The following LBH variants were observed in gnomAD, a reference collection of about 807,000 sequenced individuals.
The protein encoded by LBH is LBH regulator of Wnt signaling pathway.
In LBH, 7 loss-of-function variants were observed where a neutral mutation model predicts 12.5. That is an observed-to-expected ratio of 0.56 (90% CI 0.32 to 1.05). The LOEUF (loss-of-function observed/expected upper bound fraction) is 1.05. Ranked by LOEUF, LBH falls within the 50% of genes least tolerant of loss-of-function variation. The pLI, the probability that LBH is intolerant of heterozygous loss-of-function variation, is 0.04. For missense variants in LBH, 119 were observed against 138.9 expected, an observed-to-expected ratio of 0.86 and a Z score of 0.72; for synonymous variants, 51 against 50.1, an observed-to-expected ratio of 1.02 and a Z score of -0.08.
intron 2 of LBH, among the ~76,000 whole-genome samples, chr2:30,243,623 C>G (rs889395075): frequency 6.6e-6 from 1 of 151,410 alleles, no homozygotes; most frequent in Non-Finnish European, 1.5e-5. Context: ...CTCCGCCTCC[C>G]TGGTTCAAGT....
chr2:30,250,267 C>A (rs749847461), intron 2 of LBH, among the ~76,000 whole-genome samples: 2 of 151,992 alleles, frequency 1.3e-5, no homozygotes, highest in Non-Finnish European at 2.9e-5. Flanking sequence ...CAGGCTCGCT[C>A]CCCTCCCTCT....
intron 2 of LBH, among the ~76,000 whole-genome samples, chr2:30,253,956 A>T (rs1343068047): frequency 6.6e-6 from 1 of 152,224 alleles, no homozygotes; most frequent in Non-Finnish European, 1.5e-5. Flanking sequence ...CATGCTATCA[A>T]GTGAACGCTT....
At chr2:30,250,814 C>T (rs1436465507) in intron 2 of LBH, among the ~76,000 whole-genome samples, 1 of 151,088 alleles carries the variant, frequency 6.6e-6, no homozygotes, top group Non-Finnish European at 1.5e-5. Flanking sequence ...TTCTCTGGTC[C>T]AACAGCCTCC....
At chr2:30,252,594 G>A (rs1370640605) in intron 2 of LBH, among the ~76,000 whole-genome samples, 2 of 152,104 alleles carry the variant, frequency 1.3e-5, no homozygotes, top group East Asian at 1.9e-4. Context: ...CCCAGGAGGC[G>A]GAGCTTGCAG....
intron 2 of LBH, among the ~76,000 whole-genome samples, chr2:30,239,191 CCTTCT>C (rs1383791080): frequency 2.0e-5 from 3 of 152,168 alleles, no homozygotes; most frequent in Non-Finnish European, 4.4e-5. Context: ...CTCGGAAACC[CCTTCT>C]CTTTGCTCAC....
rs148824901 is a variant in LBH, at chr2:30,237,053, T to C, written c.129+2546T>C. ...CACATTCCCACCAGAGCTCTGGGGATTGGCTGGGACTGGCACTTGGCTGGA... is the reference window on the plus strand; with the variant it reads ...CACATTCCCACCAGAGCTCTGGGGACTGGCTGGGACTGGCACTTGGCTGGA... On this transcript the variant is annotated intron_variant, in intron 2 of 2. Transcript: ENST00000395323. Among the ~76,000 whole-genome samples the C allele has an allele frequency of 3.9e-3, 592 of 152,268 alleles. 9 individuals carry two copies. The highest frequency in any genetic ancestry group is 0.014 in the African/African-American group (565 of 41,546).
intron 2 of LBH, among the ~76,000 whole-genome samples, chr2:30,251,930 C>T (rs962827435): frequency 6.6e-6 from 1 of 151,988 alleles, no homozygotes; most frequent in African/African-American, 2.4e-5. Context: ...GAATCCTGGG[C>T]CTGAGGGTGA....
At chr2:30,255,088 G>T (rs539326062) in intron 2 of LBH, among the ~76,000 whole-genome samples, 25 of 152,342 alleles carry the variant, frequency 1.6e-4, no homozygotes, top group Non-Finnish European at 3.4e-4. Flanking sequence ...CAGAGTCCCG[G>T]GTCTTACTAT....
At chr2:30,232,198 GC>G (rs1300350735) in intron 1 of LBH, 1 of 1,385,328 alleles carries the variant, frequency 7.2e-7, no homozygotes, top group Non-Finnish European at 9.5e-7. Flanking sequence ...CAGCAGCGGG[GC>G]TGAGCTGGTG....
intron 2 of LBH, among the ~76,000 whole-genome samples, chr2:30,237,433 G>A (rs1244469266): frequency 7.0e-6 from 1 of 143,878 alleles, no homozygotes; most frequent in Non-Finnish European, 1.5e-5. Context: ...CAATGATGCC[G>A]CTTCGAGGAT....
intron 2 of LBH, among the ~76,000 whole-genome samples, chr2:30,244,747 CA>C (rs953903592): frequency 2.0e-5 from 3 of 150,960 alleles, no homozygotes; most frequent in Admixed American, 6.6e-5. Context: ...ACAACAAATA[CA>C]AAAAAAAATT....
At position 30,232,052 on chromosome 2, in the gene LBH, T is replaced by TA. The variant is rs1553333480; in HGVS notation, c.26+288_26+289insA. ...GGGGGAGCCAGGGGTCACGTGTGAATCCCCCCCAATGAAACCACCCTATGC... is the reference window on the plus strand; with the variant it reads ...GGGGGAGCCAGGGGTCACGTGTGAATACCCCCCCAATGAAACCACCCTATGC... On this transcript the variant is annotated intron_variant, in intron 1 of 2. Coordinates refer to ENST00000395323, the MANE Select transcript of LBH (RefSeq NM_030915.4). 7.0e-5 allele frequency: 99 copies of TA among 1,423,286 alleles called. No homozygotes were observed. The African/African-American group carries it at 1.3e-3, about 18-fold the overall frequency. 88.2% of individuals were successfully genotyped at this position (1,423,286 alleles called of 1,614,324 possible). A position where few individuals can be genotyped will look rare whatever the true frequency, so the allele number is the denominator to read the frequency against.
chr2:30,257,210 T>G (rs2103564731), intron 2 of LBH, among the ~76,000 whole-genome samples: 1 of 152,338 alleles, frequency 6.6e-6, no homozygotes, highest in South Asian at 2.1e-4. Context: ...AACTTTCAGC[T>G]TCAGGATTGG....
At position 30,257,772 on chromosome 2, in the gene LBH, TTTC is replaced by T; in HGVS notation, c.*154_*156del. The T allele has an allele frequency of 1.8e-6, 1 of 563,372 alleles. No individual in the cohort carries two copies. The highest frequency in any genetic ancestry group is 3.2e-5 in the East Asian group (1 of 31,438). The allele number at this position is 563,372 out of a possible 1,614,324, so 34.9% of individuals were successfully genotyped here. On this transcript the variant is annotated 3_prime_UTR_variant, in exon 3 of 3. Transcript: ENST00000395323. ...TGCACCTGCAGATCACCGAGTTGGT[TTTC>T]TTTTCTTTTCTTGCCTTTTTTTTTT...
At chr2:30,234,044 T>C (rs1413365373) in intron 1 of LBH, among the ~76,000 whole-genome samples, 1 of 152,202 alleles carries the variant, frequency 6.6e-6, no homozygotes, top group Non-Finnish European at 1.5e-5. Flanking sequence ...TGTGGTTGAA[T>C]TGGTTTTAAT....
intron 1 of LBH, chr2:30,232,676 G>C (rs1194906855): frequency 6.4e-6 from 1 of 155,098 alleles, no homozygotes; most frequent in African/African-American, 2.4e-5. Context: ...GGCGGGGTCC[G>C]GCCTGGCCCA....
chr2:30,247,381 G>A (rs1677889703), intron 2 of LBH, among the ~76,000 whole-genome samples: 1 of 152,204 alleles, frequency 6.6e-6, no homozygotes, highest in African/African-American at 2.4e-5. Flanking sequence ...TTAGGAAGCT[G>A]TCAGGCTCAT....
chr2:30,251,159 A>G (rs909870761), intron 2 of LBH, among the ~76,000 whole-genome samples: 2 of 150,812 alleles, frequency 1.3e-5, no homozygotes, highest in African/African-American at 2.4e-5. Context: ...GGCTCAGGCA[A>G]TCCTCCCACC....
intron 2 of LBH, among the ~76,000 whole-genome samples, chr2:30,238,419 T>C (rs1338566923): frequency 6.6e-6 from 1 of 152,198 alleles, no homozygotes; most frequent in Non-Finnish European, 1.5e-5. Context: ...TCAGCACACG[T>C]CCCTTCCTGG....
Sources: gnomAD v4.1 joint callset for allele counts (sites outside exome capture counted in the v4.1 genomes callset) on GRCh38, gnomAD v4.1.1 for gene constraint, MANE v1.5 for transcripts, NCBI Gene and HGNC (gene_info 2026-07-23, HGNC 2026-07-21) for gene names.